COBL: variants seen among roughly 807,000 people sequenced by gnomAD.
COBL encodes the protein protein cordon-bleu.
A neutral mutation model predicts 98.8 loss-of-function variants in COBL; 51 were observed. The observed-to-expected ratio is 0.52, with a 90% CI of 0.41 to 0.65. The LOEUF (loss-of-function observed/expected upper bound fraction) is 0.65, where lower values mean the gene tolerates loss of function less well. Among genes scored for constraint, COBL ranks in the 30% least tolerant of loss-of-function variants. The pLI is 0.00. For synonymous variants in COBL, 634 were observed against 651.7 expected, an observed-to-expected ratio of 0.97 and a Z score of 0.41; for missense variants, 1,617 against 1,617.5, an observed-to-expected ratio of 1.00 and a Z score of 0.01.
chr7:51,203,717 G>A (rs1470352936), intron 2 of COBL, among the ~76,000 whole-genome samples: 1 of 151,972 alleles, frequency 6.6e-6, no homozygotes, highest in Admixed American at 6.6e-5. Flanking sequence ...CAAATACAGA[G>A]ATTATATTAG....
At chr7:51,290,555 C>T (rs1209132674) in intron 1 of COBL, among the ~76,000 whole-genome samples, 2 of 152,114 alleles carry the variant, frequency 1.3e-5, no homozygotes, top group Non-Finnish European at 2.9e-5. Flanking sequence ...ACAAAGGGTG[C>T]GTGAAAGATG....
chr7:51,190,801 C>A, intron 4 of COBL, 49 bp downstream of exon 4: 1 of 1,471,704 alleles, frequency 6.8e-7, no homozygotes, highest in African/African-American at 1.4e-5. Flanking sequence ...GTACACGCCG[C>A]GCATCCGTGT....
intron 6 of COBL, among the ~76,000 whole-genome samples, chr7:51,121,574 G>A (rs925674313): frequency 6.6e-6 from 1 of 152,188 alleles, no homozygotes; most frequent in Non-Finnish European, 1.5e-5. Context: ...GAAGCTGAAG[G>A]TTAGTTAACC....
At chr7:51,293,031 C>A (rs1041192142) in intron 1 of COBL, among the ~76,000 whole-genome samples, 1 of 152,242 alleles carries the variant, frequency 6.6e-6, no homozygotes, top group Non-Finnish European at 1.5e-5. Context: ...AAACTTCACA[C>A]ACACTAGAAT....
intron 5 of COBL, among the ~76,000 whole-genome samples, chr7:51,154,509 T>G (rs773800703): frequency 7.2e-5 from 11 of 152,188 alleles, no homozygotes; most frequent in Non-Finnish European, 1.6e-4. Flanking sequence ...AAACAATAGA[T>G]GTCATTATAT....
At chr7:51,193,761 T>G (rs948720674) in intron 2 of COBL, among the ~76,000 whole-genome samples, 172 bp from the exon 3 acceptor site, 1 of 152,216 alleles carries the variant, frequency 6.6e-6, no homozygotes, top group Non-Finnish European at 1.5e-5. Flanking sequence ...TAGAGCAATA[T>G]GTTAACATTT....
At chr7:51,263,527 A>AG (rs1277929423) in intron 1 of COBL, among the ~76,000 whole-genome samples, 3 of 152,292 alleles carry the variant, frequency 2.0e-5, no homozygotes, top group African/African-American at 7.2e-5. Context: ...ACAATAAAAC[A>AG]GAAAAAAAAG....
intron 7 of COBL, among the ~76,000 whole-genome samples, chr7:51,064,174 C>A (rs1357263632): frequency 6.6e-6 from 1 of 152,226 alleles, no homozygotes; most frequent in East Asian, 1.9e-4. Context: ...GTGTGTGGCA[C>A]TCCCTTGGCT....
intron 5 of COBL, among the ~76,000 whole-genome samples, chr7:51,138,023 A>G (rs1476027979): frequency 6.6e-6 from 1 of 152,196 alleles, no homozygotes; most frequent in Non-Finnish European, 1.5e-5. Flanking sequence ...AAAAAAATTG[A>G]GTCACAGATT....
intron 1 of COBL, among the ~76,000 whole-genome samples, chr7:51,278,525 C>G (rs1295227962): frequency 6.6e-6 from 1 of 152,020 alleles, no homozygotes; most frequent in African/African-American, 2.4e-5. Context: ...GGATTACAGG[C>G]GTGTGCCACC....
intron 1 of COBL, among the ~76,000 whole-genome samples, chr7:51,308,848 C>T (rs1030549810): frequency 1.3e-5 from 2 of 152,134 alleles, no homozygotes; most frequent in African/African-American, 4.8e-5. Flanking sequence ...GTCAGCACCC[C>T]GATGTGTTGC....
chr7:51,066,911 T>G (rs1392576800), intron 7 of COBL, among the ~76,000 whole-genome samples: 1 of 152,276 alleles, frequency 6.6e-6, no homozygotes, highest in Non-Finnish European at 1.5e-5. Flanking sequence ...TTTGGATTTC[T>G]GCCCTATCTA....
chr7:51,133,101 C>A (rs1316109096), intron 6 of COBL, among the ~76,000 whole-genome samples: 1 of 150,660 alleles, frequency 6.6e-6, no homozygotes. Flanking sequence ...GCCTAGGGTC[C>A]AGGACAAAGG....
chr7:51,017,692 G>A (rs1786408174), intron 12 of COBL, 124 bp from the exon 13 acceptor site: 1 of 1,011,492 alleles, frequency 9.9e-7, no homozygotes, highest in Non-Finnish European at 1.5e-6. Context: ...CCCCTTCCCA[G>A]TTCCTTTGAC....
chr7:51,100,521 G>A (rs898384328), intron 6 of COBL, among the ~76,000 whole-genome samples: 24 of 152,190 alleles, frequency 1.6e-4, no homozygotes, highest in African/African-American at 5.3e-4. Flanking sequence ...TCTCACTGAT[G>A]GCTGTAATAA....
At chr7:51,147,267 A>C (rs865785517) in intron 5 of COBL, among the ~76,000 whole-genome samples, 1 of 152,152 alleles carries the variant, frequency 6.6e-6, no homozygotes, top group Non-Finnish European at 1.5e-5. Flanking sequence ...AGCTCACAAA[A>C]AGGTCCCTCA....
At chr7:51,123,173 G>A (rs1797899692) in intron 6 of COBL, among the ~76,000 whole-genome samples, 1 of 152,144 alleles carries the variant, frequency 6.6e-6, no homozygotes, top group South Asian at 2.1e-4. Context: ...ACAAAAGGAA[G>A]CATCTCAAAA....
At chr7:51,195,420 C>CTA (rs1406359889) in intron 2 of COBL, among the ~76,000 whole-genome samples, 2 of 152,016 alleles carry the variant, frequency 1.3e-5, no homozygotes, top group African/African-American at 4.8e-5. Flanking sequence ...TACTGTAGCC[C>CTA]TATAGTATAG....
intron 2 of COBL, among the ~76,000 whole-genome samples, chr7:51,206,863 T>C (rs1389572092): frequency 1.3e-5 from 2 of 152,220 alleles, no homozygotes; most frequent in African/African-American, 2.4e-5. Flanking sequence ...TTGCAGGGGC[T>C]GGGCAATAGG....
Sources: gnomAD v4.1 joint callset for allele counts (sites outside exome capture counted in the v4.1 genomes callset) on GRCh38, gnomAD v4.1.1 for gene constraint, MANE v1.5 for transcripts, NCBI Gene and HGNC (gene_info 2026-07-23, HGNC 2026-07-21) for gene names.